The following PGR variants were observed in gnomAD, a reference collection of about 807,000 sequenced individuals.
PGR encodes the protein progesterone receptor.
PGR carries 25 observed loss-of-function variants against 76.1 expected under a neutral mutation model. That is an observed-to-expected ratio of 0.33 (90% confidence interval 0.24 to 0.46). The LOEUF (loss-of-function observed/expected upper bound fraction) is 0.46, where lower values mean the gene tolerates loss of function less well. Ranked by LOEUF, PGR falls within the 20% of genes least tolerant of loss-of-function variation. The pLI is 1.00. For synonymous variants in PGR, 579 were observed against 535.0 expected (o/e 1.08, Z -1.14); for missense variants, 1,172 against 1,225.3 (o/e 0.96, Z 0.65).
intron 2 of PGR, among the ~76,000 whole-genome samples, chr11:101,096,979 A>ACAAAC (rs1157351129): frequency 6.8e-6 from 1 of 147,060 alleles, no homozygotes; most frequent in Non-Finnish European, 1.5e-5. Context: ...ATAAGCCACC[A>ACAAAC]CAAACAGGTT....
chr11:101,124,404 A>ACAAGCG (rs1207618571), intron 2 of PGR, among the ~76,000 whole-genome samples: 1 of 152,182 alleles, frequency 6.6e-6, no homozygotes, highest in Non-Finnish European at 1.5e-5. Flanking sequence ...TCTCTGATTT[A>ACAAGCG]CAAGCGCTGC....
chr11:101,049,810 T>G, intron 6 of PGR, 119 bp downstream of exon 6: 1 of 780,012 alleles, frequency 1.3e-6, no homozygotes, highest in East Asian at 2.7e-5. Context: ...GTATTTCTTC[T>G]TTATACTTAT....
At chr11:101,101,499 G>A (rs1861996602) in intron 2 of PGR, among the ~76,000 whole-genome samples, 1 of 152,182 alleles carries the variant, frequency 6.6e-6, no homozygotes, top group African/African-American at 2.4e-5. Context: ...AAAATCAGAA[G>A]GGATAATAGA....
chr11:101,085,673 GGATA>G (rs1313012753), intron 3 of PGR, among the ~76,000 whole-genome samples: 1 of 151,350 alleles, frequency 6.6e-6, no homozygotes, highest in African/African-American at 2.4e-5. Flanking sequence ...TTTTTTTAAA[GGATA>G]AATAAGATTG....
At chr11:101,099,992 G>A (rs1303023555) in intron 2 of PGR, among the ~76,000 whole-genome samples, 1 of 152,188 alleles carries the variant, frequency 6.6e-6, no homozygotes, top group Non-Finnish European at 1.5e-5. Flanking sequence ...AGTGAGTGCT[G>A]AATTGGGGCA....
intron 3 of PGR, chr11:101,063,116 T>C (rs1860576828): frequency 5.7e-6 from 1 of 176,122 alleles, no homozygotes. Context: ...TATTGGTCCA[T>C]ATTCTGATAG....
intron 4 of PGR, among the ~76,000 whole-genome samples, chr11:101,060,192 C>CGTGTGT (rs35939398): frequency 6.6e-6 from 1 of 150,680 alleles, no homozygotes; most frequent in African/African-American, 2.4e-5. Context: ...TGTGTGTGTG[C>CGTGTGT]GTGTGTGTGT....
At chr11:101,069,194 G>A (rs1308246968) in intron 3 of PGR, among the ~76,000 whole-genome samples, 1 of 151,958 alleles carries the variant, frequency 6.6e-6, no homozygotes. Flanking sequence ...ATCAAAAAGT[G>A]GGTGAAGGGT....
intron 4 of PGR, among the ~76,000 whole-genome samples, chr11:101,056,519 G>C (rs1010708385): frequency 1.3e-5 from 2 of 150,540 alleles, no homozygotes; most frequent in East Asian, 3.9e-4. Context: ...GTGCTGGGGA[G>C]GCTGAAGTTA....
At chr11:101,101,599 A>G (rs1034181100) in intron 2 of PGR, among the ~76,000 whole-genome samples, 1 of 152,228 alleles carries the variant, frequency 6.6e-6, no homozygotes, top group Non-Finnish European at 1.5e-5. Context: ...CCATTTTCCA[A>G]CTACATATCT....
At chr11:101,072,562 T>C (rs1341594544) in intron 3 of PGR, among the ~76,000 whole-genome samples, 1 of 152,164 alleles carries the variant, frequency 6.6e-6, no homozygotes, top group African/African-American at 2.4e-5. Flanking sequence ...GACCCATTGG[T>C]GTGCTATATT....
At chr11:101,119,393 T>C (rs890924018) in intron 2 of PGR, among the ~76,000 whole-genome samples, 1 of 150,886 alleles carries the variant, frequency 6.6e-6, no homozygotes, top group African/African-American at 2.4e-5. Context: ...TACTTTGTTT[T>C]TTTTCTGACA....
chr11:101,093,192 C>A lies in PGR; in HGVS notation c.1790-1316G>T, dbSNP rs950794188. On this transcript the variant is annotated intron_variant, in intron 2 of 7. Transcript: ENST00000325455. ...CTTGTTTAGAGTCCCAGGAATTAAG[C>A]CTTCACCTAATAAAGGGTAACTGTG... is the stretch of plus-strand genomic sequence containing the variant. Among the ~76,000 whole-genome samples, 2 of 152,154 alleles carry A rather than the reference C, an allele frequency of 1.3e-5. 1 individual carries two copies. Among genetic ancestry groups the A allele is most frequent in the Admixed American group, 1.3e-4 (2 of 15,264 alleles).
intron 4 of PGR, among the ~76,000 whole-genome samples, chr11:101,051,902 T>A (rs1227841957): frequency 1.3e-5 from 2 of 152,026 alleles, no homozygotes; most frequent in East Asian, 3.9e-4. Context: ...TGAGTAAGAG[T>A]CAATCCTAGC....
chr11:101,122,535 T>A (rs1288025177), intron 2 of PGR, among the ~76,000 whole-genome samples: 1 of 152,226 alleles, frequency 6.6e-6, no homozygotes, highest in Non-Finnish European at 1.5e-5. Flanking sequence ...TGGAAGGCAT[T>A]AAGTCAATTC....
rs1565322001 is a variant in PGR, at chr11:101,032,615, G to T, written c.*6501C>A. On this transcript the variant is annotated 3_prime_UTR_variant, in exon 8 of 8. Transcript: ENST00000325455. ...CTTGCCTTTGGCATCTCCTCACCAC[G>T]CACGTTCTGCTAATTCCTAAACTGC... The T allele has an allele frequency of 1.3e-5, 3 of 225,820 alleles. No homozygotes were observed. Among genetic ancestry groups the T allele is most frequent in the African/African-American group, 6.7e-5 (3 of 45,048 alleles). The allele number at this position is 225,820 out of a possible 1,614,324, so 14.0% of individuals were successfully genotyped here. A position where few individuals can be genotyped will look rare whatever the true frequency, so the allele number is the denominator to read the frequency against.
intron 4 of PGR, among the ~76,000 whole-genome samples, chr11:101,055,238 C>A (rs1418524927): frequency 1.3e-5 from 2 of 151,668 alleles, no homozygotes; most frequent in Non-Finnish European, 2.9e-5. Context: ...CATGGTAAAA[C>A]CCTGTCTCTA....
chr11:101,030,204 G>T lies in PGR; in HGVS notation c.*8912C>A, dbSNP rs1261577688. The T allele has an allele frequency of 9.0e-6, 2 of 221,760 alleles. No homozygotes were observed. The highest frequency in any genetic ancestry group is 5.8e-5 in the Admixed American group (1 of 17,350). The allele number at this position is 221,760 out of a possible 1,614,324, so 13.7% of individuals were successfully genotyped here. ...GCGTGAGTCATGAGAAAGATTCCCT[G>T]CATCTCTTGCCAAGTATTAACACTA... On this transcript the variant is annotated 3_prime_UTR_variant, in exon 8 of 8. Coordinates refer to ENST00000325455, the MANE Select transcript of PGR (RefSeq NM_000926.4).
rs1218161595 is a variant in PGR at position 101,128,201 on chromosome 11, C to A, written c.870G>T (p.Ala290=). 3.1e-6 allele frequency: 5 copies of A among 1,598,268 alleles called. No individual in the cohort carries two copies. The highest frequency in any genetic ancestry group is 1.7e-5 in the Admixed American group (1 of 59,964). ...TGGTGGCCAGCGGGGAGCGCCCGGG[C>A]GCCATCGGCGCGTCCTGCTCCACCA... The part of the protein sequence containing the change: ...VALVEQDAPM[A]PGRSPLATTV... Residue 290 remains alanine (A), a synonymous_variant, in exon 1 of 8, where the codon GCG becomes GCT. Transcript: ENST00000325455.
Sources: gnomAD v4.1 joint callset for allele counts (sites outside exome capture counted in the v4.1 genomes callset) on GRCh38, gnomAD v4.1.1 for gene constraint, MANE v1.5 for transcripts, NCBI Gene and HGNC (gene_info 2026-07-23, HGNC 2026-07-21) for gene names.